The following ZNF462 variants were observed in gnomAD, a reference collection of about 807,000 sequenced individuals.
ZNF462 encodes zinc finger protein 462.
A neutral mutation model predicts 201.9 loss-of-function variants in ZNF462; 10 were observed. That is an observed-to-expected ratio of 0.05 (90% CI 0.03 to 0.08). The LOEUF is 0.08. ZNF462 is among the 10% of genes least tolerant of loss of function. ZNF462 has a pLI of 1.00. For synonymous variants in ZNF462, 1,227 were observed against 1,193.3 expected, an observed-to-expected ratio of 1.03 and a Z score of -0.58; for missense variants, 2,523 against 3,168.3, an observed-to-expected ratio of 0.80 and a Z score of 4.89.
rs1564097996 is a variant in ZNF462, at chr9:106,919,694, A to G, written c.-30-3660A>G. ...GTACTAAAGGCAGTGACTAATTAGG[A>G]TGGTTTAGGGGTTTCATGTTAGGAG... On this transcript the variant is annotated intron_variant, in intron 1 of 12. Coordinates refer to ENST00000277225, the MANE Select transcript of ZNF462 (RefSeq NM_021224.6). The surrounding 1 kb of genome is among the most constrained non-coding windows in gnomAD (Gnocchi z 4.5). 1.3e-5 allele frequency among the ~76,000 whole-genome samples: 2 copies of G among 152,168 alleles called. No individual in the cohort carries two copies. Among genetic ancestry groups the G allele is most frequent in the African/African-American group, 4.8e-5 (2 of 41,440 alleles).
intron 1 of ZNF462, among the ~76,000 whole-genome samples, chr9:106,889,942 A>G (rs920835834): frequency 1.3e-5 from 2 of 152,196 alleles, no homozygotes; most frequent in African/African-American, 4.8e-5. Flanking sequence ...TACCCAGGTG[A>G]TTAGAGTGCA....
At chr9:106,967,354 T>C (rs1832121433) in intron 7 of ZNF462, among the ~76,000 whole-genome samples, 1 of 152,134 alleles carries the variant, frequency 6.6e-6, no homozygotes, top group African/African-American at 2.4e-5. Context: ...CAAGAAAGTC[T>C]CATTCTCTCA....
At chr9:106,881,266 G>A (rs1339337127) in intron 1 of ZNF462, among the ~76,000 whole-genome samples, 1 of 152,158 alleles carries the variant, frequency 6.6e-6, no homozygotes, top group Non-Finnish European at 1.5e-5. Context: ...TATGAGGGAG[G>A]AGCACTTGAT....
chr9:106,966,347 G>A lies in ZNF462; in HGVS notation c.6428-5658G>A, dbSNP rs1832070753. On this transcript the variant is annotated intron_variant, in intron 7 of 12. Coordinates refer to ENST00000277225, the MANE Select transcript of ZNF462 (RefSeq NM_021224.6). This position sits in a 1 kb window ranked among gnomAD's most constrained non-coding sequence, Gnocchi z 4.4. ...AATGTAGTTGTTGAATTTCTGTTTAGTTTCTCCAAAATGTACGACTTAAGG... is the reference window on the plus strand; with the variant it reads ...AATGTAGTTGTTGAATTTCTGTTTAATTTCTCCAAAATGTACGACTTAAGG... Among the ~76,000 whole-genome samples the A allele has an allele frequency of 6.6e-6, 1 of 151,830 alleles. No homozygotes were observed. Among genetic ancestry groups the A allele is most frequent in the Non-Finnish European group, 1.5e-5 (1 of 67,922 alleles).
At chr9:106,910,597 T>G (rs950308788) in intron 1 of ZNF462, among the ~76,000 whole-genome samples, 8 of 152,274 alleles carry the variant, frequency 5.3e-5, no homozygotes, top group Admixed American at 3.9e-4. Flanking sequence ...CACAGTTGAA[T>G]TTTTCTCTCT....
chr9:106,964,492 G>A (rs897256092), intron 7 of ZNF462, among the ~76,000 whole-genome samples: 4 of 151,932 alleles, frequency 2.6e-5, no homozygotes, highest in Non-Finnish European at 5.9e-5. Flanking sequence ...GAAGTTCCCT[G>A]TTTTCTCCCT....
intron 7 of ZNF462, among the ~76,000 whole-genome samples, chr9:106,964,244 A>G (rs1024643420): frequency 6.6e-6 from 1 of 152,014 alleles, no homozygotes; most frequent in African/African-American, 2.4e-5. Context: ...AGGAAATTCT[A>G]TGCTATTTTC....
At position 107,009,695 on chromosome 9, in the gene ZNF462, T is replaced by C. The variant is rs1354718868; in HGVS notation, c.7313+27T>C. The C allele has an allele frequency of 1.2e-6, 2 of 1,612,078 alleles. No homozygotes were observed. The highest frequency in any genetic ancestry group is 1.7e-6 in the Non-Finnish European group (2 of 1,179,774). ...TAAGTTGGGCCACTTCAAGGATGCC[T>C]TTGTCCAAAGCAAGAGGTAGGGAGG... On this transcript the variant is annotated intron_variant, in intron 12 of 12. Transcript: ENST00000277225. This position sits in a 1 kb window ranked among gnomAD's most constrained non-coding sequence, Gnocchi z 6.1.
intron 1 of ZNF462, among the ~76,000 whole-genome samples, chr9:106,915,596 G>A (rs1829739649): frequency 6.6e-6 from 1 of 152,170 alleles, no homozygotes; most frequent in Non-Finnish European, 1.5e-5. Context: ...AAGCAAGGGT[G>A]GGGAAACTAA....
At position 106,885,518 on chromosome 9, in the gene ZNF462, G is replaced by C. The variant is rs1828278780; in HGVS notation, c.-31+22163G>C. Among the ~76,000 whole-genome samples the C allele has an allele frequency of 1.3e-5, 2 of 152,138 alleles. No homozygotes were observed. The highest frequency in any genetic ancestry group is 4.8e-5 in the African/African-American group (2 of 41,440). ...AGTATAGTCTCTTTAAAGTTATTTTGAGGAGTTGGACACTACCTACTAGGT... is the reference window on the plus strand; with the variant it reads ...AGTATAGTCTCTTTAAAGTTATTTTCAGGAGTTGGACACTACCTACTAGGT... On this transcript the variant is annotated intron_variant, in intron 1 of 12. Coordinates refer to ENST00000277225, the MANE Select transcript of ZNF462 (RefSeq NM_021224.6). The surrounding 1 kb of genome is among the most constrained non-coding windows in gnomAD (Gnocchi z 4.1).
chr9:106,971,373 A>AC (rs530651877), intron 7 of ZNF462, among the ~76,000 whole-genome samples: 6 of 143,114 alleles, frequency 4.2e-5, no homozygotes, highest in Non-Finnish European at 1.5e-5. Flanking sequence ...CTTTAAAAAA[A>AC]AAAACAACAA....
Position 106,892,696 on chromosome 9 carries a change from ACACACACG to A in ZNF462, c.-31+29349_-31+29356del, listed in dbSNP as rs1012876895. Among the ~76,000 whole-genome samples, 259 of 128,196 alleles carry A rather than the reference ACACACACG, an allele frequency of 2.0e-3. 1 individual carries two copies. Among genetic ancestry groups the A allele is most frequent in the African/African-American group, 9.2e-3 (235 of 25,582 alleles). The allele number at this position is 128,196 out of a possible 152,430, so 84.1% of individuals were successfully genotyped here. A position where few individuals can be genotyped will look rare whatever the true frequency, so the allele number is the denominator to read the frequency against. ...TATACTCACACACACACACATGCAC[ACACACACG>A]CACACACACACACACACACACATGT... On this transcript the variant is annotated intron_variant, in intron 1 of 12. Coordinates refer to ENST00000277225, the MANE Select transcript of ZNF462 (RefSeq NM_021224.6).
chr9:106,970,217 G>GA lies in ZNF462; in HGVS notation c.6428-1786dup, dbSNP rs1826521813. On this transcript the variant is annotated intron_variant, in intron 7 of 12. Coordinates refer to ENST00000277225, the MANE Select transcript of ZNF462 (RefSeq NM_021224.6). The surrounding 1 kb of genome is among the most constrained non-coding windows in gnomAD (Gnocchi z 4.2). ...TTGTCTTCCATTTACACCTGGTAAT[G>GA]AACCTATGGAGGCTTGGAGACATTG... is the stretch of plus-strand genomic sequence containing the variant. Among the ~76,000 whole-genome samples, 1 of 152,302 alleles carries GA rather than the reference G, an allele frequency of 6.6e-6. No individual in the cohort carries two copies. Among genetic ancestry groups the GA allele is most frequent in the African/African-American group, 2.4e-5 (1 of 41,558 alleles).
At chr9:106,912,226 G>A (rs1564093050) in intron 1 of ZNF462, among the ~76,000 whole-genome samples, 1 of 150,432 alleles carries the variant, frequency 6.6e-6, no homozygotes, top group Non-Finnish European at 1.5e-5. Context: ...CAGGCATAAA[G>A]CTACTACATA....
intron 1 of ZNF462, among the ~76,000 whole-genome samples, chr9:106,894,431 C>A (rs1221064844): frequency 6.6e-6 from 1 of 152,202 alleles, no homozygotes; most frequent in Non-Finnish European, 1.5e-5. Flanking sequence ...ACAGACTTTT[C>A]ATTTTTATGC....
intron 9 of ZNF462, chr9:106,979,523 T>A (rs969793621): frequency 3.3e-5 from 5 of 151,564 alleles, no homozygotes; most frequent in African/African-American, 1.2e-4. Context: ...CAAGGCCGTC[T>A]TCTTCCCCTT....
intron 7 of ZNF462, among the ~76,000 whole-genome samples, chr9:106,940,836 C>G (rs999953177): frequency 6.6e-6 from 1 of 151,900 alleles, no homozygotes; most frequent in Non-Finnish European, 1.5e-5. Context: ...AGAAAATGTC[C>G]CCTTTTCACC....
intron 1 of ZNF462, among the ~76,000 whole-genome samples, chr9:106,888,850 T>C (rs1462076128): frequency 6.6e-6 from 1 of 152,236 alleles, no homozygotes; most frequent in African/African-American, 2.4e-5. Context: ...TATAGAATCA[T>C]CAATTACAAA....
At chr9:107,004,091 G>A (rs1159866979) in intron 11 of ZNF462, among the ~76,000 whole-genome samples, 1 of 152,166 alleles carries the variant, frequency 6.6e-6, no homozygotes, top group Non-Finnish European at 1.5e-5. Flanking sequence ...ATATTTAGTT[G>A]TGGATATACA....
Sources: allele counts gnomAD v4.1 joint callset (sites outside exome capture counted in the v4.1 genomes callset), GRCh38; gene constraint gnomAD v4.1.1; non-coding constraint Gnocchi (gnomAD v3.1); transcripts MANE v1.5; gene names NCBI Gene and HGNC (gene_info 2026-07-23, HGNC 2026-07-21).